DLGAP1: variants seen among roughly 807,000 people sequenced by gnomAD.
DLGAP1 encodes the protein DLG associated protein 1, also known as disks large-associated protein 1.
DLGAP1 carries 11 observed loss-of-function variants against 90.8 expected under a neutral mutation model. The observed-to-expected ratio is 0.12, with a 90% CI of 0.08 to 0.20. The LOEUF is 0.20. Ranked by LOEUF, DLGAP1 falls within the 10% of genes least tolerant of loss-of-function variation. The pLI is 1.00. For missense variants in DLGAP1, 1,050 were observed against 1,333.8 expected (o/e 0.79, Z 3.31); for synonymous variants, 558 against 540.7 (o/e 1.03, Z -0.44).
chr18:3,814,848 C>CT (rs1206788839), intron 4 of DLGAP1, among the ~76,000 whole-genome samples: 4 of 152,038 alleles, frequency 2.6e-5, no homozygotes, highest in South Asian at 4.1e-4. Flanking sequence ...CAAGTATTTT[C>CT]TTTTTTTGGT....
intron 10 of DLGAP1, 50 bp downstream of exon 10, chr18:3,534,144 A>C (rs1404674111): frequency 6.4e-7 from 1 of 1,569,266 alleles, no homozygotes; most frequent in South Asian, 1.2e-5. Flanking sequence ...GCACACACAA[A>C]GCAACCCCAG....
intron 7 of DLGAP1, among the ~76,000 whole-genome samples, chr18:3,680,940 C>T (rs755783524): frequency 1.3e-5 from 2 of 152,078 alleles, no homozygotes; most frequent in African/African-American, 2.4e-5. Context: ...CCACAAGCCT[C>T]GTGAAAGATG....
intron 3 of DLGAP1, among the ~76,000 whole-genome samples, chr18:3,892,855 C>T (rs529088058): frequency 7.8e-4 from 100 of 128,252 alleles, no homozygotes; most frequent in African/African-American, 4.7e-3. Flanking sequence ...AATCTAACCA[C>T]TTTCTCCTCT....
At chr18:4,004,914 GTGT>G (rs1391922079) in intron 3 of DLGAP1, 199 bp downstream of exon 3, 1 of 130,534 alleles carries the variant, frequency 7.7e-6, no homozygotes, top group Admixed American at 7.3e-5. Context: ...AAGGGTGTGT[GTGT>G]GTGTGTGTGT....
At chr18:3,595,589 G>C (rs2056533313) in intron 7 of DLGAP1, among the ~76,000 whole-genome samples, 1 of 152,200 alleles carries the variant, frequency 6.6e-6, no homozygotes, top group Non-Finnish European at 1.5e-5. Context: ...CTCTGAGTAA[G>C]AATCATTTGA....
intron 10 of DLGAP1, among the ~76,000 whole-genome samples, chr18:3,525,644 C>T (rs967926044): frequency 5.9e-5 from 9 of 152,352 alleles, no homozygotes; most frequent in African/African-American, 2.2e-4. Flanking sequence ...CGTGATCTGC[C>T]TGCCTCGGCC....
In DLGAP1 at chr18:3,949,257, G is replaced by A. The variant is rs973527905; in HGVS notation, c.-73+55859C>T. 1.4e-4 allele frequency among the ~76,000 whole-genome samples: 21 copies of A among 152,226 alleles called. No homozygotes were observed. In the South Asian group the frequency reaches 4.1e-3, roughly 30 times the overall value. ...CTCCCTTACAATTGGCTTGAGTTAGGTTCAAAAAATTAGATAGTAACTTGT... is the reference window on the plus strand; with the variant it reads ...CTCCCTTACAATTGGCTTGAGTTAGATTCAAAAAATTAGATAGTAACTTGT... On this transcript the variant is annotated intron_variant, in intron 3 of 12. Transcript: ENST00000315677.
chr18:3,706,534 G>C (rs918205838), intron 7 of DLGAP1, among the ~76,000 whole-genome samples: 2 of 152,162 alleles, frequency 1.3e-5, no homozygotes, highest in Non-Finnish European at 2.9e-5. Context: ...CTGGAAAATA[G>C]GATATAAATT....
At chr18:3,717,734 C>T (rs1246038122) in intron 7 of DLGAP1, among the ~76,000 whole-genome samples, 1 of 152,180 alleles carries the variant, frequency 6.6e-6, no homozygotes, top group East Asian at 1.9e-4. Flanking sequence ...ATCTTATGTT[C>T]TCACCTCTCA....
Position 4,098,589 on chromosome 18 carries a change from G to A in DLGAP1, c.-159+52591C>T, listed in dbSNP as rs564755595. Among the ~76,000 whole-genome samples, 70 of 152,092 alleles carry A rather than the reference G, an allele frequency of 4.6e-4. No individual in the cohort carries two copies. The South Asian group carries it at 5.2e-3, about 11-fold the overall frequency. On this transcript the variant is annotated intron_variant, in intron 2 of 12. Coordinates refer to ENST00000315677, the MANE Select transcript of DLGAP1 (RefSeq NM_004746.4). ...GAAATGGAGATTAAATAGGGGCAAC[G>A]GAGAAAGACTAGTTTAAGATATTGC...
At chr18:3,965,888 C>T (rs1004861628) in intron 3 of DLGAP1, among the ~76,000 whole-genome samples, 5 of 145,194 alleles carry the variant, frequency 3.4e-5, no homozygotes, top group African/African-American at 1.0e-4. Context: ...GCGGAGGTTG[C>T]CGTGAGCCGA....
intron 7 of DLGAP1, among the ~76,000 whole-genome samples, chr18:3,650,741 T>C (rs2059267741): frequency 6.6e-6 from 1 of 152,176 alleles, no homozygotes; most frequent in Non-Finnish European, 1.5e-5. Context: ...TCTCTGTCAG[T>C]TATCTGACTA....
chr18:4,240,842 C>T (rs1224783939), intron 1 of DLGAP1, among the ~76,000 whole-genome samples: 1 of 152,142 alleles, frequency 6.6e-6, no homozygotes, highest in Non-Finnish European at 1.5e-5. Context: ...ATGGGCTTCT[C>T]AAAAGTTCCA....
At chr18:3,965,563 A>G (rs1468883728) in intron 3 of DLGAP1, among the ~76,000 whole-genome samples, 1 of 152,188 alleles carries the variant, frequency 6.6e-6, no homozygotes, top group East Asian at 1.9e-4. Context: ...GCATCAATAT[A>G]GTGTTGTAGA....
intron 1 of DLGAP1, among the ~76,000 whole-genome samples, chr18:4,371,040 A>C (rs1283543285): frequency 6.6e-6 from 1 of 152,194 alleles, no homozygotes; most frequent in East Asian, 1.9e-4. Context: ...TCAATAACAA[A>C]ACAAAAAGAT....
intron 1 of DLGAP1, among the ~76,000 whole-genome samples, chr18:4,270,389 G>C (rs1192206943): frequency 6.6e-6 from 1 of 152,126 alleles, no homozygotes; most frequent in Non-Finnish European, 1.5e-5. Flanking sequence ...TCTCCCACTA[G>C]CTCAAATGGC....
intron 3 of DLGAP1, among the ~76,000 whole-genome samples, chr18:3,918,043 T>A (rs967195466): frequency 6.6e-6 from 1 of 152,212 alleles, no homozygotes. Context: ...GAATCAGTTT[T>A]ACAAGTTTCC....
At chr18:3,748,303 G>A (rs1019061407) in intron 5 of DLGAP1, among the ~76,000 whole-genome samples, 9 of 152,350 alleles carry the variant, frequency 5.9e-5, no homozygotes, top group East Asian at 1.9e-4. Flanking sequence ...CTGCCATTGC[G>A]AAGAAGAGCG....
Position 3,620,507 on chromosome 18 carries a change from G to T in DLGAP1, c.1592-38259C>A, listed in dbSNP as rs144057448. 6.1e-3 allele frequency among the ~76,000 whole-genome samples: 924 copies of T among 152,066 alleles called. 16 individuals carry two copies. Among genetic ancestry groups the T allele is most frequent in the African/African-American group, 0.021 (883 of 41,474 alleles). ...GCAGCAATAGGAAAGCATACAGGCT[G>T]CAAGGATGAAAATCCTCGAGAACAA... On this transcript the variant is annotated intron_variant, in intron 7 of 12. Transcript: ENST00000315677.
Sources: gnomAD v4.1 joint callset for allele counts (sites outside exome capture counted in the v4.1 genomes callset) on GRCh38, gnomAD v4.1.1 for gene constraint, MANE v1.5 for transcripts, NCBI Gene and HGNC (gene_info 2026-07-23, HGNC 2026-07-21) for gene names.